Variants in CNOT2 observed in about 807,000 individuals in gnomAD.
CNOT2 encodes CCR4-NOT transcription complex subunit 2.
CNOT2 carries 7 observed loss-of-function variants against 72.1 expected under a neutral mutation model. The observed-to-expected ratio is 0.10, with a 90% confidence interval of 0.06 to 0.18. CNOT2 has a LOEUF of 0.18. Among genes scored for constraint, CNOT2 ranks in the 10% least tolerant of loss-of-function variants. The pLI is 1.00. For missense variants in CNOT2, 345 were observed against 660.3 expected, an observed-to-expected ratio of 0.52 and a Z score of 5.23; for synonymous variants, 196 against 225.6, an observed-to-expected ratio of 0.87 and a Z score of 1.17.
chr12:70,270,449 A>G (rs1959191474), intron 1 of CNOT2, among the ~76,000 whole-genome samples: 1 of 152,060 alleles, frequency 6.6e-6, no homozygotes, highest in South Asian at 2.1e-4. Context: ...GTATACTACC[A>G]CTGTTCTTAG....
intron 1 of CNOT2, among the ~76,000 whole-genome samples, chr12:70,273,640 G>T (rs1355245482): frequency 6.6e-6 from 1 of 152,082 alleles, no homozygotes; most frequent in Non-Finnish European, 1.5e-5. Flanking sequence ...TAATTTTCAA[G>T]CCTGTGGTTC....
At chr12:70,329,992 G>A (rs1453422740) in intron 5 of CNOT2, among the ~76,000 whole-genome samples, 1 of 151,958 alleles carries the variant, frequency 6.6e-6, no homozygotes, top group African/African-American at 2.4e-5. Flanking sequence ...ATATGCCATT[G>A]AAATGAAATT....
chr12:70,261,834 A>AT (rs768517174), intron 1 of CNOT2, among the ~76,000 whole-genome samples: 1,834 of 139,084 alleles, frequency 0.013, 25 homozygotes, highest in East Asian at 0.041. Context: ...TGGGCCTGAG[A>AT]TTTTTTTTTT....
intron 2 of CNOT2, among the ~76,000 whole-genome samples, chr12:70,291,798 G>T (rs574482502): frequency 1.3e-5 from 2 of 152,080 alleles, no homozygotes; most frequent in Non-Finnish European, 2.9e-5. Context: ...TTAGCCAGGC[G>T]TGGTGGCGGG....
intron 2 of CNOT2, among the ~76,000 whole-genome samples, chr12:70,306,199 C>A (rs1338132550): frequency 3.9e-5 from 6 of 152,078 alleles, no homozygotes; most frequent in Non-Finnish European, 8.8e-5. Context: ...GTCGGCCAGG[C>A]TAGAGTGCAG....
intron 3 of CNOT2, among the ~76,000 whole-genome samples, chr12:70,317,890 C>A (rs962901434): frequency 1.7e-4 from 26 of 151,482 alleles, no homozygotes; most frequent in Admixed American, 3.3e-4. Context: ...GAAAAAAAAA[C>A]AAACAAAAAT....
rs575304838 is a variant in CNOT2, at chr12:70,278,872, T to G, written c.48+598T>G. ...CTGGAAGAATAGTGGAAATGTAACA[T>G]TGCTATTTCTGAGCTTTGAAAAGAA... On this transcript the variant is annotated intron_variant, in intron 2 of 15. Transcript: ENST00000229195. Among the ~76,000 whole-genome samples, 5 of 152,328 alleles carry G rather than the reference T, an allele frequency of 3.3e-5. 1 individual carries two copies. In the South Asian group the frequency reaches 1.0e-3, roughly 32 times the overall value.
chr12:70,266,163 A>G (rs937674010), intron 1 of CNOT2, among the ~76,000 whole-genome samples: 5 of 151,756 alleles, frequency 3.3e-5, no homozygotes, highest in African/African-American at 7.3e-5. Context: ...CTGGAGTGCA[A>G]TGGCGCCATC....
At chr12:70,266,278 C>A (rs1170665788) in intron 1 of CNOT2, among the ~76,000 whole-genome samples, 1 of 152,048 alleles carries the variant, frequency 6.6e-6, no homozygotes, top group East Asian at 1.9e-4. Context: ...CATGCACCAC[C>A]ATGCCCAGCT....
chr12:70,258,957 C>T (rs1055068913), intron 1 of CNOT2, among the ~76,000 whole-genome samples: 2 of 152,082 alleles, frequency 1.3e-5, no homozygotes, highest in African/African-American at 4.8e-5. Context: ...TAGATGGGTA[C>T]AGAAAAGGGC....
At chr12:70,246,809 C>G (rs1249693320) in intron 1 of CNOT2, among the ~76,000 whole-genome samples, 1 of 152,064 alleles carries the variant, frequency 6.6e-6, no homozygotes, top group Non-Finnish European at 1.5e-5. Context: ...CATTTATTTT[C>G]TTTGTCTATA....
intron 2 of CNOT2, among the ~76,000 whole-genome samples, chr12:70,298,654 C>T (rs938044749): frequency 6.6e-6 from 1 of 151,924 alleles, no homozygotes; most frequent in East Asian, 1.9e-4. Flanking sequence ...AAACAAGAGT[C>T]CTAATTTAGT....
intron 2 of CNOT2, among the ~76,000 whole-genome samples, chr12:70,302,148 A>T (rs868405848): frequency 1.3e-5 from 2 of 151,834 alleles, no homozygotes; most frequent in African/African-American, 4.8e-5. Context: ...AATTTTGTTG[A>T]TCCTTTCAAA....
At chr12:70,270,742 A>G (rs1959195684) in intron 1 of CNOT2, among the ~76,000 whole-genome samples, 1 of 152,202 alleles carries the variant, frequency 6.6e-6, no homozygotes, top group Admixed American at 6.5e-5. Flanking sequence ...ACTACTCTCT[A>G]GTTTACCCTT....
Position 70,329,567 on chromosome 12 carries a change from G to A in CNOT2, c.383G>A (p.Ser128Asn). 1.9e-6 allele frequency: 3 copies of A among 1,607,430 alleles called. No individual in the cohort carries two copies. Among genetic ancestry groups the A allele is most frequent in the Non-Finnish European group, 2.6e-6 (3 of 1,174,464 alleles). Residue 128 changes from serine to asparagine, a missense_variant, in exon 5 of 16, where the codon AGC becomes AAC. Around this residue, in one of 4 missense-constraint regions of CNOT2, gnomAD observed 157 missense variants for 235.3 expected, o/e 0.67. Transcript: ENST00000229195. ...TMSLHTPPSP[S>N]RGILPMNPRN... ...TCACTTCACACGCCTCCATCTCCAAGCAGGTATTTATTGATGGACCAGAAT... is the reference window on the plus strand; with the variant it reads ...TCACTTCACACGCCTCCATCTCCAAACAGGTATTTATTGATGGACCAGAAT...
chr12:70,341,921 A>G (rs576534071), intron 11 of CNOT2, 186 bp from the exon 12 acceptor site: 62 of 612,510 alleles, frequency 1.0e-4, no homozygotes, highest in South Asian at 9.5e-4. Context: ...GAGTCCTATC[A>G]TATTTTACAG....
chr12:70,282,861 G>GA (rs1870110939), intron 2 of CNOT2, among the ~76,000 whole-genome samples: 1 of 151,476 alleles, frequency 6.6e-6, no homozygotes. Context: ...TTTTGAGTAG[G>GA]AAAAATCATA....
chr12:70,256,582 TAAAA>T lies in CNOT2; in HGVS notation c.-96+13120_-96+13123del, dbSNP rs372870920. Among the ~76,000 whole-genome samples the T allele has an allele frequency of 2.8e-5, 3 of 108,416 alleles. No homozygotes were observed. In the Admixed American group the frequency reaches 2.9e-4, roughly 11 times the overall value. 71.1% of individuals were successfully genotyped at this position (108,416 alleles called of 152,430 possible). A position where few individuals can be genotyped will look rare whatever the true frequency, so the allele number is the denominator to read the frequency against. On this transcript the variant is annotated intron_variant, in intron 1 of 15. Coordinates refer to ENST00000229195, the MANE Select transcript of CNOT2 (RefSeq NM_014515.7). ...GGTTCTGCTGAAGGAGACCTGTGGG[TAAAA>T]AAAAAAAAAAAAAAAAAGTGGTAAT...
chr12:70,349,662 C>G (rs893748444), intron 15 of CNOT2, among the ~76,000 whole-genome samples: 11 of 151,890 alleles, frequency 7.2e-5, no homozygotes, highest in Non-Finnish European at 1.2e-4. Flanking sequence ...GAATCCAATC[C>G]ATTATTTATT....
Sources: gnomAD v4.1 joint callset for allele counts (sites outside exome capture counted in the v4.1 genomes callset) on GRCh38, gnomAD v4.1.1 for gene constraint, gnomAD v4.1.1 regional missense constraint, MANE v1.5 for transcripts, NCBI Gene and HGNC (gene_info 2026-07-23, HGNC 2026-07-21) for gene names.